CTNNA2: variants seen among roughly 807,000 people sequenced by gnomAD.
The protein encoded by CTNNA2 is catenin alpha 2.
In CTNNA2, 42 loss-of-function variants were observed where a neutral mutation model predicts 101.0. The observed-to-expected ratio is 0.42, with a 90% CI of 0.32 to 0.54. The LOEUF (loss-of-function observed/expected upper bound fraction) is 0.54. Ranked by LOEUF, CTNNA2 falls within the 20% of genes least tolerant of loss-of-function variation. CTNNA2 has a pLI of 0.14. For missense variants in CTNNA2, 871 were observed against 1,223.1 expected, an observed-to-expected ratio of 0.71 and a Z score of 4.29; for synonymous variants, 450 against 456.4, an observed-to-expected ratio of 0.99 and a Z score of 0.18.
chr2:79,888,365 T>G (rs535479117), intron 6 of CTNNA2, among the ~76,000 whole-genome samples: 216 of 152,302 alleles, frequency 1.4e-3, no homozygotes, highest in Non-Finnish European at 2.5e-3. Context: ...TCTTTCCGGG[T>G]TATTGACACC....
chr2:80,617,403 AAAAAGCTGTTGAATATATAATTTGAATTT>A (rs1698941991), intron 17 of CTNNA2, among the ~76,000 whole-genome samples: 1 of 151,768 alleles, frequency 6.6e-6, no homozygotes, highest in Non-Finnish European at 1.5e-5. Context: ...TCACACACAA[AAAAAGCTGTTGAATATATAATTTGAATTT>A]AGACTTAGAA....
intron 7 of CTNNA2, among the ~76,000 whole-genome samples, chr2:80,018,962 A>G (rs1001809120): frequency 1.3e-5 from 2 of 152,158 alleles, no homozygotes; most frequent in Admixed American, 6.5e-5. Flanking sequence ...AAATGTTCAA[A>G]TGAAAAAATA....
At chr2:79,269,295 T>C (rs776743919) in intron 2 of CTNNA2, among the ~76,000 whole-genome samples, 1 of 152,114 alleles carries the variant, frequency 6.6e-6, no homozygotes, top group Non-Finnish European at 1.5e-5. Context: ...ATTTGAGAAG[T>C]GGATGTGCAC....
intron 7 of CTNNA2, among the ~76,000 whole-genome samples, chr2:80,000,564 C>A (rs1333763487): frequency 6.6e-6 from 1 of 152,140 alleles, no homozygotes; most frequent in Non-Finnish European, 1.5e-5. Flanking sequence ...TCACTGCCAG[C>A]CACTTCCCTC....
At chr2:80,285,765 A>G (rs1460378882) in intron 7 of CTNNA2, among the ~76,000 whole-genome samples, 4 of 152,190 alleles carry the variant, frequency 2.6e-5, no homozygotes, top group African/African-American at 9.6e-5. Flanking sequence ...GAGCCTTCAA[A>G]TATGAATTGA....
chr2:80,383,693 G>C (rs775097721), intron 7 of CTNNA2, among the ~76,000 whole-genome samples: 11 of 152,034 alleles, frequency 7.2e-5, no homozygotes, highest in Non-Finnish European at 1.3e-4. Context: ...TTTGTGAGTT[G>C]TTGAGAAAAT....
At chr2:80,083,377 T>G (rs1261239075) in intron 7 of CTNNA2, among the ~76,000 whole-genome samples, 3 of 152,154 alleles carry the variant, frequency 2.0e-5, no homozygotes, top group African/African-American at 7.2e-5. Flanking sequence ...GTAGGCTGCT[T>G]GGTTGCCACA....
At chr2:79,478,321 T>C (rs1275917808) in intron 4 of CTNNA2, among the ~76,000 whole-genome samples, 1 of 152,168 alleles carries the variant, frequency 6.6e-6, no homozygotes, top group African/African-American at 2.4e-5. Flanking sequence ...CAAATGGAAG[T>C]GATGAATAGC....
intron 4 of CTNNA2, among the ~76,000 whole-genome samples, chr2:79,464,078 C>T (rs1670906753): frequency 6.6e-6 from 1 of 151,802 alleles, no homozygotes; most frequent in African/African-American, 2.4e-5. Flanking sequence ...TGGTGTGCTG[C>T]ACTCATTAAC....
chr2:80,105,551 C>A (rs1360217802), intron 7 of CTNNA2, among the ~76,000 whole-genome samples: 1 of 152,016 alleles, frequency 6.6e-6, no homozygotes. Flanking sequence ...TAGTGAGACC[C>A]CATCTCTACA....
chr2:80,520,304 C>G (rs1689431566), intron 9 of CTNNA2, among the ~76,000 whole-genome samples: 1 of 151,838 alleles, frequency 6.6e-6, no homozygotes, highest in Non-Finnish European at 1.5e-5. Flanking sequence ...TGTGCCATCC[C>G]CTTTTCATTA....
intron 3 of CTNNA2, among the ~76,000 whole-genome samples, chr2:79,363,726 G>C (rs982664226): frequency 3.3e-5 from 5 of 152,174 alleles, no homozygotes; most frequent in Non-Finnish European, 7.3e-5. Context: ...AAGGTCCCTA[G>C]ATTACTATTC....
intron 15 of CTNNA2, chr2:80,601,483 GTT>G (rs1697531381): frequency 7.9e-6 from 1 of 126,688 alleles, no homozygotes; most frequent in African/African-American, 3.0e-5. Context: ...AAATCAGACT[GTT>G]TTGATTTTTC....
Position 79,540,345 on chromosome 2 carries a change from C to T in CTNNA2, c.-6+27138C>T, listed in dbSNP as rs184792924. ...ATGCATATAACAATATTACTTACCT[C>T]ATAGGGTTACAGTAAGAATCAATGA... On this transcript the variant is annotated intron_variant, in intron 1 of 18. Transcript: ENST00000402739. 1.5e-3 allele frequency among the ~76,000 whole-genome samples: 226 copies of T among 152,248 alleles called. 2 individuals carry two copies. The Middle Eastern group carries it at 0.024, about 16-fold the overall frequency.
intron 9 of CTNNA2, among the ~76,000 whole-genome samples, chr2:80,455,851 G>C (rs1683932382): frequency 6.6e-6 from 1 of 152,092 alleles, no homozygotes; most frequent in African/African-American, 2.4e-5. Flanking sequence ...GCATAATTTT[G>C]TTCTCAGTGC....
intron 7 of CTNNA2, among the ~76,000 whole-genome samples, chr2:80,122,357 C>T (rs534110828): frequency 6.6e-6 from 1 of 150,810 alleles, no homozygotes; most frequent in Admixed American, 6.6e-5. Context: ...TCTCTCTCCC[C>T]CCTTCCTTTT....
At chr2:79,747,276 T>C (rs553857828) in intron 3 of CTNNA2, among the ~76,000 whole-genome samples, 30 of 152,254 alleles carry the variant, frequency 2.0e-4, no homozygotes, top group Non-Finnish European at 2.8e-4. Flanking sequence ...CTGATATTCC[T>C]TCTGAATTGC....
chr2:79,342,485 C>T (rs67941513), intron 3 of CTNNA2, among the ~76,000 whole-genome samples: 32,272 of 152,114 alleles, frequency 0.21, 4,106 homozygotes, highest in South Asian at 0.31. Flanking sequence ...ATCTCTTCCA[C>T]CTCTATTTGA....
chr2:80,312,228 T>A (rs967805693), intron 7 of CTNNA2, among the ~76,000 whole-genome samples: 8 of 152,204 alleles, frequency 5.3e-5, no homozygotes, highest in Non-Finnish European at 1.2e-4. Flanking sequence ...GGGCAGGAGT[T>A]CTTACTCCTT....
Sources: allele counts gnomAD v4.1 joint callset (sites outside exome capture counted in the v4.1 genomes callset), GRCh38; gene constraint gnomAD v4.1.1; transcripts MANE v1.5; gene names NCBI Gene and HGNC (gene_info 2026-07-23, HGNC 2026-07-21).